ZNF99: variants seen among roughly 807,000 people sequenced by gnomAD.
ZNF99 encodes the protein zinc finger protein 99.
A neutral mutation model predicts 12.8 loss-of-function variants in ZNF99; 8 were observed. The observed-to-expected ratio is 0.62, with a 90% CI of 0.37 to 1.13. The LOEUF (loss-of-function observed/expected upper bound fraction) is 1.13, where lower values mean the gene tolerates loss of function less well. Among genes scored for constraint, ZNF99 ranks in the 50% most tolerant of loss-of-function variants. ZNF99 has a pLI of 0.02. For synonymous variants in ZNF99, 318 were observed against 319.0 expected, an observed-to-expected ratio of 1.00 and a Z score of 0.03; for missense variants, 1,007 against 1,006.2, an observed-to-expected ratio of 1.00 and a Z score of -0.01.
At chr19:22,769,079 G>A (rs1568385966) in intron 2 of ZNF99, 119 bp downstream of exon 2, 3 of 1,069,798 alleles carry the variant, frequency 2.8e-6, no homozygotes, top group Non-Finnish European at 2.6e-6. Flanking sequence ...CCTGTTTTCA[G>A]AAAACGGGTA....
At chr19:22,764,859 G>A (rs1973188226) in intron 3 of ZNF99, among the ~76,000 whole-genome samples, 5 of 152,166 alleles carry the variant, frequency 3.3e-5, no homozygotes, top group Admixed American at 2.6e-4. Flanking sequence ...TGGATGTGGT[G>A]ATCAGGGAAC....
chr19:22,771,365 C>T (rs1266272572), intron 1 of ZNF99, among the ~76,000 whole-genome samples: 1 of 145,386 alleles, frequency 6.9e-6, no homozygotes, highest in Non-Finnish European at 1.5e-5. Flanking sequence ...ACGCCATTCT[C>T]CTACCTCAGC....
In ZNF99 at chr19:22,753,166, G is replaced by A. The variant is rs1003784038; in HGVS notation, c.*4148C>T. ...AGTCTGTAATTTTTTTCAATATTGT[G>A]ATGTTAATTTTTTTGATATTTGAAG... On this transcript the variant is annotated 3_prime_UTR_variant, in exon 4 of 4. Coordinates refer to ENST00000596209, the MANE Select transcript of ZNF99 (RefSeq NM_001080409.3). 2.0e-5 allele frequency: 3 copies of A among 151,788 alleles called. No individual in the cohort carries two copies. Among genetic ancestry groups the A allele is most frequent in the African/African-American group, 4.8e-5 (2 of 41,346 alleles). 9.4% of individuals were successfully genotyped at this position (151,788 alleles called of 1,614,324 possible).
chr19:22,756,885 A>G lies in ZNF99; in HGVS notation c.*429T>C, dbSNP rs1407735400. The G allele has an allele frequency of 2.5e-6, 4 of 1,602,072 alleles. No homozygotes were observed. Among genetic ancestry groups the G allele is most frequent in the South Asian group, 1.1e-5 (1 of 90,664 alleles). On this transcript the variant is annotated 3_prime_UTR_variant, in exon 4 of 4. Transcript: ENST00000596209. ...TTCTTCACATTTGTAGGGTTTCTCT[A>G]CAGTATGAATTACCTTATGTTCCAT... is the stretch of plus-strand genomic sequence containing the variant.
In ZNF99 at chr19:22,755,688, T is replaced by G. The variant is rs533350029; in HGVS notation, c.*1626A>C. The G allele has an allele frequency of 4.9e-5, 14 of 287,976 alleles. No individual in the cohort carries two copies. The South Asian group carries it at 5.1e-4, about 11-fold the overall frequency. 17.8% of individuals were successfully genotyped at this position (287,976 alleles called of 1,614,324 possible). On this transcript the variant is annotated 3_prime_UTR_variant, in exon 4 of 4. Transcript: ENST00000596209. ...GAGGACTGGTTAAAAGCTTTGCCCA[T>G]TCTTCATATTTGCAGTGTTTGTCTC...
rs1301097876 is a variant in ZNF99 at position 22,757,449 on chromosome 19, T to G, written c.2460A>C (p.Glu820Asp). 1 of 1,610,750 alleles carries G rather than the reference T, an allele frequency of 6.2e-7. No homozygotes were observed. The highest frequency in any genetic ancestry group is 1.3e-5 in the African/African-American group (1 of 74,588). ...ACCACTGAAAAGCTTTACCACATTC[T>G]TCACATTTGTAGGATTTCTCTCCAG... ...IHTGEKSYKCEECGKAFQWSS... is the reference protein window; with the variant it reads ...IHTGEKSYKCDECGKAFQWSS... Residue 820 changes from glutamate to aspartate, a missense_variant, in exon 4 of 4, where the codon GAA (glutamate) becomes GAC (aspartate). Glu to Asp is a conservative substitution (Grantham distance 45). Transcript: ENST00000596209.
chr19:22,771,585 A>G (rs1453002669), intron 1 of ZNF99, among the ~76,000 whole-genome samples: 1 of 151,512 alleles, frequency 6.6e-6, no homozygotes, highest in Non-Finnish European at 1.5e-5. Flanking sequence ...TGTTCTGCAT[A>G]GAGCTAATGG....
chr19:22,755,482 T>C lies in ZNF99; in HGVS notation c.*1832A>G. The C allele has an allele frequency of 3.4e-6, 1 of 292,994 alleles. No homozygotes were observed. The highest frequency in any genetic ancestry group is 3.8e-5 in the South Asian group (1 of 26,110). The allele number at this position is 292,994 out of a possible 1,614,324, so 18.1% of individuals were successfully genotyped here. On this transcript the variant is annotated 3_prime_UTR_variant, in exon 4 of 4. Coordinates refer to ENST00000596209, the MANE Select transcript of ZNF99 (RefSeq NM_001080409.3). The stretch of plus-strand genomic sequence containing the variant: ...GGGTTTCTCTCTAATTTATCTTATA[T>C]TCAGTAAGATCTGAGAACCCGTTAG...
At chr19:22,777,189 T>C (rs1360142964) in intron 1 of ZNF99, among the ~76,000 whole-genome samples, 1 of 152,110 alleles carries the variant, frequency 6.6e-6, no homozygotes, top group African/African-American at 2.4e-5. Context: ...AAACATGGTA[T>C]ATAAACATCA....
Position 22,757,207 on chromosome 19 carries a change from G to C in ZNF99, c.*107C>G, listed in dbSNP as rs1461728280. ...AAGCTTTGCCACATTCTTCACATTT[G>C]TATGGTTTCTTCCCAGTATAAATTA... On this transcript the variant is annotated 3_prime_UTR_variant, in exon 4 of 4. Transcript: ENST00000596209. 1 of 1,588,514 alleles carries C rather than the reference G, an allele frequency of 6.3e-7. No individual in the cohort carries two copies. Among genetic ancestry groups the C allele is most frequent in the South Asian group, 1.1e-5 (1 of 88,994 alleles).
In ZNF99 at chr19:22,753,005, G is replaced by A. The variant is rs1162024838; in HGVS notation, c.*4309C>T. 2 of 151,792 alleles carry A rather than the reference G, an allele frequency of 1.3e-5. No individual in the cohort carries two copies. The highest frequency in any genetic ancestry group is 4.8e-5 in the African/African-American group (2 of 41,342). 9.4% of individuals were successfully genotyped at this position (151,792 alleles called of 1,614,324 possible). ...TTTTATGAAAAAGGTCATAAATAAT[G>A]CCCATCTAATAAAAAAGAATCTTTC... On this transcript the variant is annotated 3_prime_UTR_variant, in exon 4 of 4. Transcript: ENST00000596209.
chr19:22,773,494 C>G (rs1385397226), intron 1 of ZNF99, among the ~76,000 whole-genome samples: 5 of 152,104 alleles, frequency 3.3e-5, no homozygotes, highest in Middle Eastern at 3.2e-3. Context: ...CTAAATTCAC[C>G]TGGTAATTGA....
chr19:22,779,251 C>T (rs1417440541), intron 1 of ZNF99, among the ~76,000 whole-genome samples: 2 of 151,954 alleles, frequency 1.3e-5, no homozygotes, highest in South Asian at 4.1e-4. Context: ...TCGGGCCGGG[C>T]GCGGTAGCTC....
chr19:22,782,661 CTT>C (rs71180598), intron 1 of ZNF99, among the ~76,000 whole-genome samples: 6 of 86,634 alleles, frequency 6.9e-5, no homozygotes, highest in East Asian at 3.6e-4. Context: ...CGCACCTGGC[CTT>C]TTTTTTTTTT....
chr19:22,763,062 T>G (rs909554939), intron 3 of ZNF99, among the ~76,000 whole-genome samples: 1 of 152,066 alleles, frequency 6.6e-6, no homozygotes, highest in East Asian at 1.9e-4. Context: ...GCATTCCCTC[T>G]GAGGACTGGA....
At position 22,759,627 on chromosome 19, in the gene ZNF99, A is replaced by AG. The variant is rs375398180; in HGVS notation, c.281dup (p.Gln96ProfsTer14). 564 of 1,595,072 alleles carry AG rather than the reference A, an allele frequency of 3.5e-4. 1 individual carries two copies. The Middle Eastern group carries it at 4.5e-3, about 13-fold the overall frequency. On this transcript the variant is annotated frameshift_variant, in exon 4 of 4. Transcript: ENST00000596209. LOFTEE classifies it low-confidence loss of function (END_TRUNC). ...ATGTTCTCAATATTATTTCTTGGAA[A>AG]GAATCTTTTATGCTCTGATCTGGCC... is the stretch of plus-strand genomic sequence containing the variant.
rs752464960 is a variant in ZNF99, at chr19:22,755,225, G to A, written c.*2089C>T. On this transcript the variant is annotated 3_prime_UTR_variant, in exon 4 of 4. Transcript: ENST00000596209. ...CATTTGTAGGGTTTTTCTCCAGTAC[G>A]AATTTTCTTATGTCTAATAAAGTTT... 1.5e-5 allele frequency: 4 copies of A among 267,514 alleles called. No individual in the cohort carries two copies. Among genetic ancestry groups the A allele is most frequent in the East Asian group, 1.0e-4 (1 of 9,814 alleles). The allele number at this position is 267,514 out of a possible 1,614,324, so 16.6% of individuals were successfully genotyped here.
chr19:22,754,486 T>A lies in ZNF99; in HGVS notation c.*2828A>T. 1 of 417,562 alleles carries A rather than the reference T, an allele frequency of 2.4e-6. No individual in the cohort carries two copies. The highest frequency in any genetic ancestry group is 4.7e-6 in the Non-Finnish European group (1 of 212,110). 25.9% of individuals were successfully genotyped at this position (417,562 alleles called of 1,614,324 possible). The stretch of plus-strand genomic sequence containing the variant: ...TAAAGCTTTTGTCACATTCTTCATA[T>A]TTATAAAATTTATCTTCTGTATGAA... On this transcript the variant is annotated 3_prime_UTR_variant, in exon 4 of 4. Coordinates refer to ENST00000596209, the MANE Select transcript of ZNF99 (RefSeq NM_001080409.3).
At chr19:22,781,565 C>T (rs1416476254) in intron 1 of ZNF99, among the ~76,000 whole-genome samples, 1 of 151,604 alleles carries the variant, frequency 6.6e-6, no homozygotes, top group East Asian at 1.9e-4. Context: ...CCCGCAATAC[C>T]AGCATCTGAT....
Sources: gnomAD v4.1 joint callset for allele counts (sites outside exome capture counted in the v4.1 genomes callset) on GRCh38, gnomAD v4.1.1 for gene constraint, MANE v1.5 for transcripts, NCBI Gene and HGNC (gene_info 2026-07-23, HGNC 2026-07-21) for gene names.